ATP2B2: variants seen among roughly 807,000 people sequenced by gnomAD.
The protein encoded by ATP2B2 is ATPase plasma membrane Ca2+ transporting 2.
A neutral mutation model predicts 120.0 loss-of-function variants in ATP2B2; 15 were observed. That is an observed-to-expected ratio of 0.12 (90% CI 0.08 to 0.19). The LOEUF (loss-of-function observed/expected upper bound fraction) is 0.19. ATP2B2 is among the 10% of genes least tolerant of loss of function. The pLI is 1.00. For synonymous variants in ATP2B2, 694 were observed against 700.3 expected, an observed-to-expected ratio of 0.99 and a Z score of 0.14; for missense variants, 1,045 against 1,719.8, an observed-to-expected ratio of 0.61 and a Z score of 6.94.
chr3:10,599,440 C>G (rs750202144), intron 2 of ATP2B2, among the ~76,000 whole-genome samples: 1 of 152,194 alleles, frequency 6.6e-6, no homozygotes, highest in Non-Finnish European at 1.5e-5. Flanking sequence ...TCCCTCCAGC[C>G]CCCACATCAC....
chr3:10,441,888 G>A (rs1313959321), intron 2 of ATP2B2, among the ~76,000 whole-genome samples: 1 of 152,154 alleles, frequency 6.6e-6, no homozygotes, highest in Non-Finnish European at 1.5e-5. Context: ...TCAGAGTGAG[G>A]GGATGACTTA....
intron 1 of ATP2B2, among the ~76,000 whole-genome samples, chr3:10,468,352 C>T (rs1354995089): frequency 6.6e-6 from 1 of 152,220 alleles, no homozygotes; most frequent in African/African-American, 2.4e-5. Flanking sequence ...CAGATGGCAG[C>T]CCCTTCCTGT....
rs77121037 is a variant in ATP2B2, at chr3:10,401,223, G to A, written c.656-145C>T. 6.7e-3 allele frequency: 7,228 copies of A among 1,075,372 alleles called. 255 individuals carry two copies. The African/African-American group carries it at 0.083, about 12-fold the overall frequency. The allele number at this position is 1,075,372 out of a possible 1,614,324, so 66.6% of individuals were successfully genotyped here. A position where few individuals can be genotyped will look rare whatever the true frequency, so the allele number is the denominator to read the frequency against. On this transcript the variant is annotated intron_variant, in intron 4 of 22. Coordinates refer to ENST00000360273, the MANE Select transcript of ATP2B2 (RefSeq NM_001001331.4). ...CCCAGGGTGTAGGAACCAAGATGGTGCCCATAGAAGGCCCATGTACAGCTC... is the reference window on the plus strand; with the variant it reads ...CCCAGGGTGTAGGAACCAAGATGGTACCCATAGAAGGCCCATGTACAGCTC...
At chr3:10,483,630 G>T (rs1286644297) in intron 1 of ATP2B2, among the ~76,000 whole-genome samples, 1 of 152,198 alleles carries the variant, frequency 6.6e-6, no homozygotes, top group Non-Finnish European at 1.5e-5. Flanking sequence ...GATCTCAGCT[G>T]CTCTGTCCCC....
At position 10,374,666 on chromosome 3, in the gene ATP2B2, A is replaced by T. The variant is rs1341654173; in HGVS notation, c.1416+764T>A. ...ACCCGGGTGTGAGAACCTGGGGGTG[A>T]CCCAGTAGGGTCAGACTCGCAGTGA... On this transcript the variant is annotated intron_variant, in intron 11 of 22. Transcript: ENST00000360273. Among the ~76,000 whole-genome samples the T allele has an allele frequency of 2.0e-5, 3 of 152,326 alleles. No individual in the cohort carries two copies. In the South Asian group the frequency reaches 6.2e-4, roughly 32 times the overall value.
chr3:10,370,100 T>A (rs2061181130), intron 12 of ATP2B2, among the ~76,000 whole-genome samples: 1 of 152,160 alleles, frequency 6.6e-6, no homozygotes, highest in African/African-American at 2.4e-5. Context: ...CTGAAAAGAC[T>A]CAATCCACCA....
intron 12 of ATP2B2, among the ~76,000 whole-genome samples, chr3:10,362,981 G>A (rs1479151175): frequency 2.0e-5 from 3 of 151,928 alleles, no homozygotes; most frequent in African/African-American, 7.3e-5. Flanking sequence ...CTCTACTAAT[G>A]AAAGAAAATG....
rs1435651762 is a variant in ATP2B2 at position 10,334,310 on chromosome 3, C to CGGG, written c.3420+3863_3420+3865dup. ...CCAGCCGGAGGGCCGCAGGAGTCAT[C>CGGG]GGGAGGGGTGGCAGAACAGAAGTGG... On this transcript the variant is annotated intron_variant, in intron 22 of 22. Transcript: ENST00000360273. Among the ~76,000 whole-genome samples, 6 of 152,188 alleles carry CGGG rather than the reference C, an allele frequency of 3.9e-5. No individual in the cohort carries two copies. The East Asian group carries it at 1.2e-3, about 29-fold the overall frequency.
chr3:10,642,271 G>C (rs2070194018), intron 1 of ATP2B2, among the ~76,000 whole-genome samples: 1 of 152,236 alleles, frequency 6.6e-6, no homozygotes, highest in African/African-American at 2.4e-5. Context: ...GTCTATTCAT[G>C]TACAGCACTT....
intron 2 of ATP2B2, among the ~76,000 whole-genome samples, chr3:10,440,425 A>G (rs1406469816): frequency 6.6e-6 from 1 of 152,228 alleles, no homozygotes; most frequent in Non-Finnish European, 1.5e-5. Flanking sequence ...CACAGCATGA[A>G]CAAACAGACT....
chr3:10,651,079 C>T (rs1012569587), intron 1 of ATP2B2, among the ~76,000 whole-genome samples: 6 of 152,182 alleles, frequency 3.9e-5, no homozygotes, highest in African/African-American at 1.2e-4. Context: ...AAGTAACTAG[C>T]TTGCTTTTGA....
At chr3:10,592,568 T>C (rs2068668547) in intron 2 of ATP2B2, among the ~76,000 whole-genome samples, 2 of 152,328 alleles carry the variant, frequency 1.3e-5, no homozygotes, top group African/African-American at 2.4e-5. Flanking sequence ...ACATTTTTTT[T>C]CCTCCCATAT....
chr3:10,472,188 G>C (rs978165597), intron 1 of ATP2B2, among the ~76,000 whole-genome samples: 13 of 152,148 alleles, frequency 8.5e-5, no homozygotes, highest in Non-Finnish European at 1.8e-4. Context: ...AAGACACAGA[G>C]ACCGAAGCAG....
intron 22 of ATP2B2, among the ~76,000 whole-genome samples, chr3:10,330,592 A>G (rs2059952211): frequency 6.6e-6 from 1 of 152,224 alleles, no homozygotes; most frequent in Non-Finnish European, 1.5e-5. Flanking sequence ...TGCTGTGTGC[A>G]GGCCAAGTGG....
rs142312835 is a variant in ATP2B2, at chr3:10,470,868, G to A, written c.-319-21006C>T. On this transcript the variant is annotated intron_variant, in intron 1 of 22. Coordinates refer to ENST00000360273, the MANE Select transcript of ATP2B2 (RefSeq NM_001001331.4). ...CTCAGTTCCCCCACCCCCATGTCTCGTAACCTGAGACAGGGACATGCAGGT... is the reference window on the plus strand; with the variant it reads ...CTCAGTTCCCCCACCCCCATGTCTCATAACCTGAGACAGGGACATGCAGGT... Among the ~76,000 whole-genome samples the A allele has an allele frequency of 5.3e-5, 8 of 152,170 alleles. No homozygotes were observed. The South Asian group carries it at 6.2e-4, about 12-fold the overall frequency.
rs536099568 is a variant in ATP2B2, at chr3:10,334,137, C to T, written c.3420+4039G>A. On this transcript the variant is annotated intron_variant, in intron 22 of 22. Transcript: ENST00000360273. ...CTAAGATGAGGGGCTGACTCGGGGA[C>T]GACTTCCAAAGGCAGTGGGCCTGCC... 5.5e-4 allele frequency among the ~76,000 whole-genome samples: 84 copies of T among 152,316 alleles called. 1 individual carries two copies. The highest frequency in any genetic ancestry group is 1.9e-3 in the African/African-American group (79 of 41,574).
In ATP2B2 at chr3:10,402,032, C is replaced by T. The variant is rs1001507994; in HGVS notation, c.655+59G>A. On this transcript the variant is annotated intron_variant, in intron 4 of 22. Transcript: ENST00000360273. The surrounding 1 kb of genome is among the most constrained non-coding windows in gnomAD (Gnocchi z 4.9). ...GCCAATCTCTTTGCATCAGCCTGGCCTGTCCCACCTCTGCCGGAATCCAGC... is the reference window on the plus strand; with the variant it reads ...GCCAATCTCTTTGCATCAGCCTGGCTTGTCCCACCTCTGCCGGAATCCAGC... 6 of 1,606,074 alleles carry T rather than the reference C, an allele frequency of 3.7e-6. No homozygotes were observed. The highest frequency in any genetic ancestry group is 5.1e-6 in the Non-Finnish European group (6 of 1,179,846).
chr3:10,625,252 C>G (rs74632823), intron 1 of ATP2B2, among the ~76,000 whole-genome samples: 6,891 of 152,180 alleles, frequency 0.045, 255 homozygotes, highest in South Asian at 0.14. Flanking sequence ...TTTTCTTTTT[C>G]CTGATTATAC....
chr3:10,492,498 A>G (rs2065971735), intron 1 of ATP2B2, among the ~76,000 whole-genome samples: 1 of 152,146 alleles, frequency 6.6e-6, no homozygotes, highest in African/African-American at 2.4e-5. Flanking sequence ...CCTCCAATCT[A>G]GAGCCTTGCC....
Sources: allele counts gnomAD v4.1 joint callset (sites outside exome capture counted in the v4.1 genomes callset), GRCh38; gene constraint gnomAD v4.1.1; non-coding constraint Gnocchi (gnomAD v3.1); transcripts MANE v1.5; gene names NCBI Gene and HGNC (gene_info 2026-07-23, HGNC 2026-07-21).